The following GABRA3 variants were observed in gnomAD, a reference collection of about 807,000 sequenced individuals.
GABRA3 encodes the protein gamma-aminobutyric acid receptor subunit alpha-3.
A neutral mutation model predicts 30.1 loss-of-function variants in GABRA3; 10 were observed. That is an observed-to-expected ratio of 0.33 (90% CI 0.20 to 0.56). The LOEUF (loss-of-function observed/expected upper bound fraction) is 0.56, where lower values mean the gene tolerates loss of function less well. GABRA3 is among the 20% of genes least tolerant of loss of function. The pLI is 0.89. For synonymous variants in GABRA3, 151 were observed against 146.8 expected, an observed-to-expected ratio of 1.03 and a Z score of -0.21; for missense variants, 233 against 392.0, an observed-to-expected ratio of 0.59 and a Z score of 3.42.
intron 6 of GABRA3, among the ~76,000 whole-genome samples, chrX:152,220,730 T>C (rs1241004108): frequency 9.0e-6 from 1 of 111,540 alleles, no homozygotes; most frequent in African/African-American, 3.3e-5. Flanking sequence ...ATTTTCTGTC[T>C]TTTTTATGTT....
chrX:152,241,282 T>TA (rs1172082539), intron 5 of GABRA3, among the ~76,000 whole-genome samples: 1 of 89,675 alleles, frequency 1.1e-5, no homozygotes, highest in South Asian at 4.6e-4. Flanking sequence ...GTGCCCCTGC[T>TA]GGGGGGTGCC....
At chrX:152,176,331 G>A (rs1013934103) in intron 9 of GABRA3, among the ~76,000 whole-genome samples, 2 of 111,031 alleles carry the variant, frequency 1.8e-5, no homozygotes, top group African/African-American at 6.6e-5. Context: ...CCCTACTGTT[G>A]GGCAGAGAAT....
At chrX:152,234,214 A>C (rs889403540) in intron 5 of GABRA3, among the ~76,000 whole-genome samples, 1 of 110,867 alleles carries the variant, frequency 9.0e-6, no homozygotes, top group Non-Finnish European at 1.9e-5. Context: ...AAAATTAAAA[A>C]ATAAAAATGT....
intron 3 of GABRA3, among the ~76,000 whole-genome samples, chrX:152,312,383 C>T (rs984531551): frequency 2.7e-5 from 3 of 111,793 alleles, no homozygotes; most frequent in South Asian, 3.7e-4. Context: ...CAAGCAATGG[C>T]GAAAAGTCTC....
intron 2 of GABRA3, among the ~76,000 whole-genome samples, chrX:152,358,335 T>C (rs1940583412): frequency 8.9e-6 from 1 of 111,799 alleles, no homozygotes; most frequent in African/African-American, 3.3e-5. Context: ...ATTGCGTTTT[T>C]GATTTGGCTC....
At chrX:152,298,916 T>G (rs1939582764) in intron 3 of GABRA3, among the ~76,000 whole-genome samples, 1 of 111,810 alleles carries the variant, frequency 8.9e-6, no homozygotes, top group Non-Finnish European at 1.9e-5. Context: ...TGATCGCCAT[T>G]CTAACTGGTG....
At chrX:152,360,420 A>T (rs1437825041) in intron 2 of GABRA3, among the ~76,000 whole-genome samples, 1 of 101,922 alleles carries the variant, frequency 9.8e-6, no homozygotes, top group African/African-American at 3.6e-5. Context: ...ATGGCCAGTG[A>T]TGATGAGCAT....
intron 3 of GABRA3, among the ~76,000 whole-genome samples, chrX:152,312,520 A>T (rs1227466546): frequency 8.9e-6 from 1 of 112,223 alleles, no homozygotes; most frequent in Admixed American, 9.5e-5. Context: ...AAAACCTAAA[A>T]CTATAAAGAC....
chrX:152,194,272 G>T lies in GABRA3; in HGVS notation c.931+3361C>A, dbSNP rs770761073. 6.3e-5 allele frequency among the ~76,000 whole-genome samples: 7 copies of T among 111,479 alleles called. No individual in the cohort carries two copies. The East Asian group carries it at 2.0e-3, about 31-fold the overall frequency. ...TAATTTAAAAAAAGATGATGTTAAG[G>T]ATCCTTTTACATGATTATGGGCATT... On this transcript the variant is annotated intron_variant, in intron 8 of 9. Coordinates refer to ENST00000370314, the MANE Select transcript of GABRA3 (RefSeq NM_000808.4).
intron 3 of GABRA3, among the ~76,000 whole-genome samples, chrX:152,304,173 T>C (rs1351511603): frequency 8.9e-6 from 1 of 111,981 alleles, no homozygotes; most frequent in Non-Finnish European, 1.9e-5. Flanking sequence ...TTGATTTATT[T>C]AAGTTCCTTA....
At chrX:152,263,459 A>G (rs971440176) in intron 4 of GABRA3, among the ~76,000 whole-genome samples, 1 of 110,305 alleles carries the variant, frequency 9.1e-6, no homozygotes, top group Non-Finnish European at 1.9e-5. Context: ...GTCTTTTAAT[A>G]GTAGAATGAG....
intron 1 of GABRA3, among the ~76,000 whole-genome samples, chrX:152,409,865 T>C (rs1309380164): frequency 8.9e-6 from 1 of 112,222 alleles, no homozygotes; most frequent in Non-Finnish European, 1.9e-5. Context: ...GTTCATTATA[T>C]ACCCAAAAGA....
rs933674690 is a variant in GABRA3, at chrX:152,289,569, A to G, written c.263-4834T>C. ...TCTAGGATACATATGCACAACGTGCAGGTTTGTTACATAGGCATACATGTG... is the reference window on the plus strand; with the variant it reads ...TCTAGGATACATATGCACAACGTGCGGGTTTGTTACATAGGCATACATGTG... On this transcript the variant is annotated intron_variant, in intron 3 of 9. Transcript: ENST00000370314. 3.7e-5 allele frequency among the ~76,000 whole-genome samples: 4 copies of G among 109,024 alleles called. No individual in the cohort carries two copies. In the Admixed American group the frequency reaches 4.0e-4, roughly 11 times the overall value. The allele number at this position is 109,024 out of a possible 115,157, so 94.7% of individuals were successfully genotyped here.
At chrX:152,324,468 C>T (rs1463842752) in intron 3 of GABRA3, among the ~76,000 whole-genome samples, 2 of 111,990 alleles carry the variant, frequency 1.8e-5, no homozygotes, top group East Asian at 5.6e-4. Context: ...ATCTGAATTT[C>T]ATCAAGGCAC....
At chrX:152,431,668 T>A (rs1193148587) in intron 1 of GABRA3, among the ~76,000 whole-genome samples, 3 of 111,658 alleles carry the variant, frequency 2.7e-5, no homozygotes, top group Non-Finnish European at 5.6e-5. Context: ...ATTATCTGAG[T>A]AAACACAATG....
chrX:152,197,386 G>A (rs1003010087), intron 8 of GABRA3, among the ~76,000 whole-genome samples: 3 of 111,280 alleles, frequency 2.7e-5, no homozygotes, highest in African/African-American at 9.8e-5. Context: ...TCCCTCTCCA[G>A]CTTTTGGGGC....
intron 6 of GABRA3, among the ~76,000 whole-genome samples, chrX:152,219,225 C>T (rs990043874): frequency 9.0e-6 from 1 of 111,065 alleles, no homozygotes; most frequent in Non-Finnish European, 1.9e-5. Flanking sequence ...TGGCTTTAAA[C>T]ATCATCTATG....
chrX:152,365,614 A>G (rs748230933), intron 1 of GABRA3, among the ~76,000 whole-genome samples: 1 of 111,961 alleles, frequency 8.9e-6, no homozygotes, highest in Admixed American at 9.5e-5. Flanking sequence ...TTTTTCAGTC[A>G]TATCAGTGAA....
At chrX:152,230,716 A>G (rs992701183) in intron 5 of GABRA3, among the ~76,000 whole-genome samples, 1 of 111,394 alleles carries the variant, frequency 9.0e-6, no homozygotes, top group Admixed American at 9.6e-5. Context: ...GAGACAAAAA[A>G]TAGCTTTCTC....
Sources: gnomAD v4.1 joint callset for allele counts (sites outside exome capture counted in the v4.1 genomes callset) on GRCh38, gnomAD v4.1.1 for gene constraint, MANE v1.5 for transcripts, NCBI Gene and HGNC (gene_info 2026-07-23, HGNC 2026-07-21) for gene names.